DNER: variants seen among roughly 807,000 people sequenced by gnomAD.
The protein encoded by DNER is delta/notch like EGF repeat containing.
A neutral mutation model predicts 78.2 loss-of-function variants in DNER; 33 were observed. The ratio of observed to expected loss-of-function variants is 0.42; its 90% CI spans 0.32 to 0.56. DNER has a LOEUF of 0.56. Among genes scored for constraint, DNER ranks in the 20% least tolerant of loss-of-function variants. The pLI is 0.11. For missense variants in DNER, 918 were observed against 975.3 expected (o/e 0.94, Z 0.78); for synonymous variants, 417 against 384.8 (o/e 1.08, Z -0.98).
At chr2:229,448,296 G>A (rs559836910) in intron 7 of DNER, among the ~76,000 whole-genome samples, 2 of 152,290 alleles carry the variant, frequency 1.3e-5, no homozygotes, top group African/African-American at 4.8e-5. Flanking sequence ...AATCCCATTT[G>A]TAAGAAATGT....
chr2:229,447,191 G>T, intron 8 of DNER, 125 bp downstream of exon 8: 1 of 924,288 alleles, frequency 1.1e-6, no homozygotes, highest in Non-Finnish European at 1.6e-6. Context: ...TTACTTACAA[G>T]CATACCAGTA....
intron 6 of DNER, among the ~76,000 whole-genome samples, chr2:229,508,370 C>T (rs1308491044): frequency 6.6e-6 from 1 of 152,122 alleles, no homozygotes; most frequent in African/African-American, 2.4e-5. Flanking sequence ...TACAAGAATG[C>T]ATATCTGTGC....
chr2:229,573,609 T>G (rs185388332), intron 4 of DNER, among the ~76,000 whole-genome samples: 2 of 152,268 alleles, frequency 1.3e-5, no homozygotes, highest in African/African-American at 4.8e-5. Flanking sequence ...AAAAAGTCTA[T>G]GATAAAAGGT....
chr2:229,496,968 C>T (rs1318108624), intron 6 of DNER, among the ~76,000 whole-genome samples: 1 of 152,132 alleles, frequency 6.6e-6, no homozygotes, highest in Non-Finnish European at 1.5e-5. Flanking sequence ...CAGTTATATA[C>T]AGAGCATTCC....
chr2:229,601,939 C>T (rs1187634640), intron 1 of DNER, among the ~76,000 whole-genome samples: 2 of 151,884 alleles, frequency 1.3e-5, no homozygotes, highest in Non-Finnish European at 2.9e-5. Flanking sequence ...TAACTAAGTC[C>T]TAAGAGATAG....
intron 1 of DNER, among the ~76,000 whole-genome samples, chr2:229,709,379 C>T (rs1435086095): frequency 2.0e-5 from 3 of 152,162 alleles, no homozygotes; most frequent in South Asian, 2.1e-4. Context: ...CCCAAAGTCA[C>T]AAGAAGTTCA....
intron 6 of DNER, among the ~76,000 whole-genome samples, chr2:229,489,869 G>A (rs897682056): frequency 4.6e-5 from 7 of 152,214 alleles, no homozygotes; most frequent in African/African-American, 1.7e-4. Flanking sequence ...CACCACTGAT[G>A]ACCTTGGAGA....
In DNER at chr2:229,714,217, G is replaced by C. The variant is rs577320876; in HGVS notation, c.207C>G (p.His69Gln). 2 of 1,394,008 alleles carry C rather than the reference G, an allele frequency of 1.4e-6. No homozygotes were observed. Among genetic ancestry groups the C allele is most frequent in the African/African-American group, 1.5e-5 (1 of 66,616 alleles). The allele number at this position is 1,394,008 out of a possible 1,614,324, so 86.4% of individuals were successfully genotyped here. A position where few individuals can be genotyped will look rare whatever the true frequency, so the allele number is the denominator to read the frequency against. Residue 69 changes from histidine (H) to glutamine (Q), a missense_variant, in exon 1 of 13, where the codon CAC becomes CAG. Coordinates refer to ENST00000341772, the MANE Select transcript of DNER (RefSeq NM_139072.4). Reference sequence around the variant, plus strand: ...AGCCAGGCTCGCCGGCGGGGGCCGGGTGCTGCGGGTCCGGCTCAGGGCGCG... The same window carrying C: ...AGCCAGGCTCGCCGGCGGGGGCCGGCTGCTGCGGGTCCGGCTCAGGGCGCG... The part of the protein sequence containing the change: ...CTSRPEPDPQ[H>Q]PAPAGEPGYS...
At chr2:229,678,400 T>C (rs1159856076) in intron 1 of DNER, among the ~76,000 whole-genome samples, 2 of 152,152 alleles carry the variant, frequency 1.3e-5, no homozygotes, top group African/African-American at 4.8e-5. Flanking sequence ...GCAAATTGCA[T>C]CTAGAGTCCC....
At chr2:229,630,254 T>C (rs927432576) in intron 1 of DNER, among the ~76,000 whole-genome samples, 16 of 152,056 alleles carry the variant, frequency 1.1e-4, no homozygotes, top group Non-Finnish European at 1.9e-4. Context: ...GATGAGAGGA[T>C]CACCGGAGGT....
intron 7 of DNER, among the ~76,000 whole-genome samples, chr2:229,453,920 T>TAAAAAAAAAAAAAAAAAA (rs10602558): frequency 1.9e-5 from 2 of 106,852 alleles, no homozygotes; most frequent in Admixed American, 2.1e-4. Flanking sequence ...TAAAATATAT[T>TAAAAAAAAAAAAAAAAAA]AAAAAAAAAA....
chr2:229,576,272 G>A (rs1334806853), intron 4 of DNER, among the ~76,000 whole-genome samples: 1 of 151,174 alleles, frequency 6.6e-6, no homozygotes, highest in African/African-American at 2.4e-5. Context: ...CCCAGAGCAG[G>A]GTATCTTAGA....
intron 1 of DNER, among the ~76,000 whole-genome samples, chr2:229,613,250 C>G (rs892593052): frequency 2.6e-5 from 4 of 152,140 alleles, no homozygotes; most frequent in African/African-American, 9.7e-5. Flanking sequence ...AACAGCAGTA[C>G]CAATTACTAC....
chr2:229,562,884 C>T (rs1021299562), intron 4 of DNER, among the ~76,000 whole-genome samples: 1 of 151,714 alleles, frequency 6.6e-6, no homozygotes, highest in Non-Finnish European at 1.5e-5. Flanking sequence ...TCATCCTTAT[C>T]CCATTACCAT....
At chr2:229,670,046 C>G (rs1209454966) in intron 1 of DNER, among the ~76,000 whole-genome samples, 1 of 152,056 alleles carries the variant, frequency 6.6e-6, no homozygotes, top group Non-Finnish European at 1.5e-5. Context: ...GAGGAAGGGC[C>G]CCAGAACACC....
intron 8 of DNER, among the ~76,000 whole-genome samples, chr2:229,444,057 G>A (rs1053497273): frequency 2.0e-5 from 3 of 152,162 alleles, no homozygotes; most frequent in African/African-American, 4.8e-5. Flanking sequence ...TTCATTCCAC[G>A]AACAGAATGC....
At chr2:229,506,194 G>GGC (rs1559151488) in intron 6 of DNER, among the ~76,000 whole-genome samples, 1 of 151,876 alleles carries the variant, frequency 6.6e-6, no homozygotes, top group Non-Finnish European at 1.5e-5. Flanking sequence ...CAGGGCTGGG[G>GGC]GGCCTCAAGA....
chr2:229,463,273 T>C (rs1694739541), intron 7 of DNER, among the ~76,000 whole-genome samples: 1 of 152,124 alleles, frequency 6.6e-6, no homozygotes, highest in Admixed American at 6.5e-5. Context: ...ATAGAGAACA[T>C]ATTCCAACAG....
chr2:229,479,279 T>C (rs1695103272), intron 6 of DNER, among the ~76,000 whole-genome samples: 1 of 152,124 alleles, frequency 6.6e-6, no homozygotes, highest in Admixed American at 6.6e-5. Flanking sequence ...CCAAGCCCTT[T>C]CACACAGTCC....
Sources: allele counts gnomAD v4.1 joint callset (sites outside exome capture counted in the v4.1 genomes callset), GRCh38; gene constraint gnomAD v4.1.1; transcripts MANE v1.5; gene names NCBI Gene and HGNC (gene_info 2026-07-23, HGNC 2026-07-21).